The following VEGFA variants were observed in gnomAD, a reference collection of about 807,000 sequenced individuals.
VEGFA encodes vascular endothelial growth factor A, long form.
VEGFA carries 20 observed loss-of-function variants against 49.7 expected under a neutral mutation model. The observed-to-expected ratio is 0.40, with a 90% CI of 0.28 to 0.58. The LOEUF is 0.58. Among genes scored for constraint, VEGFA ranks in the 20% least tolerant of loss-of-function variants. The pLI is 0.40. For synonymous variants in VEGFA, 219 were observed against 223.4 expected (o/e 0.98, Z 0.18); for missense variants, 505 against 553.5 (o/e 0.91, Z 0.88).
In VEGFA at chr6:43,778,895, G is replaced by A. The variant is rs1051764795; in HGVS notation, c.939G>A (p.Lys313=). The A allele has an allele frequency of 6.2e-7, 1 of 1,614,170 alleles. No individual in the cohort carries two copies. The highest frequency in any genetic ancestry group is 8.5e-7 in the Non-Finnish European group (1 of 1,180,046). The stretch of plus-strand genomic sequence containing the variant: ...CTCTCCCTACCCATTGCAGACCAAA[G>A]AAAGATAGAGCAAGACAAGAAAAGT... The change falls in exon 5 of 8, where the codon AAG becomes AAA. Residue 313 remains lysine (K), a synonymous_variant. Coordinates refer to ENST00000672860, the MANE Select transcript of VEGFA (RefSeq NM_003376.6).
chr6:43,774,468 C>T (rs1703081280), intron 2 of VEGFA, 76 bp downstream of exon 2: 2 of 1,543,186 alleles, frequency 1.3e-6, no homozygotes, highest in Non-Finnish European at 1.8e-6. Flanking sequence ...CCTTTTTCTT[C>T]AGAACTGTGG....
intron 1 of VEGFA, 105 bp from the exon 2 acceptor site, chr6:43,774,236 G>C: frequency 8.0e-7 from 1 of 1,244,740 alleles, no homozygotes; most frequent in East Asian, 2.4e-5. Context: ...AGAAGCCAGA[G>C]GCTGTTGGTG....
intron 5 of VEGFA, chr6:43,779,291 T>C: frequency 2.3e-6 from 1 of 435,338 alleles, no homozygotes; most frequent in Non-Finnish European, 4.2e-6. Flanking sequence ...CCAGCTTTTG[T>C]GTGTCAGAGG....
At chr6:43,778,645 G>A in intron 4 of VEGFA, 109 bp downstream of exon 4, 1 of 1,223,956 alleles carries the variant, frequency 8.2e-7, no homozygotes, top group South Asian at 1.3e-5. Context: ...TTCCCGCTAT[G>A]TGACCTTTGG....
intron 5 of VEGFA, chr6:43,779,762 A>G (rs1766769632): frequency 2.2e-6 from 1 of 458,218 alleles, no homozygotes; most frequent in East Asian, 6.9e-5. Context: ...CCTAAGGGGG[A>G]CAGACTTGCC....
intron 4 of VEGFA, 44 bp downstream of exon 4, chr6:43,778,580 G>A (rs367878477): frequency 3.4e-5 from 54 of 1,585,892 alleles, no homozygotes; most frequent in Non-Finnish European, 4.6e-5. Context: ...GTGGCTGCAG[G>A]GTGCCTGATC....
In VEGFA at chr6:43,770,864, A is replaced by G; in HGVS notation, c.158A>G (p.Lys53Arg). 6.5e-7 allele frequency: 1 copy of G among 1,538,666 alleles called. No individual in the cohort carries two copies. The highest frequency in any genetic ancestry group is 1.2e-5 in the South Asian group (1 of 82,470). Residue 53 changes from lysine (K) to arginine (R), a missense_variant, in exon 1 of 8, where the codon AAA (lysine) becomes AGA (arginine). By Grantham distance (26) the Lys-to-Arg change is conservative. This residue lies in a region of VEGFA where 340 missense variants were observed against 321.8 expected (regional missense o/e 1.06). Transcript: ENST00000672860. ...GTCGGGGCTCGCGGCGTCGCACTGA[A>G]ACTTTTCGTCCAACTTCTGGGCTGT...
rs1333424932 is a variant in VEGFA at position 43,771,066 on chromosome 6, G to T, written c.360G>T (p.Thr120=). The change falls in exon 1 of 8, where the codon ACG becomes ACT. Residue 120 remains threonine (T), a synonymous_variant. Coordinates refer to ENST00000672860, the MANE Select transcript of VEGFA (RefSeq NM_003376.6). ...GCGCTCGGAAGCCGGGCTCATGGAC[G>T]GGTGAGGCGGCGGTGTGCGCAGACA... The T allele has an allele frequency of 2.7e-6, 4 of 1,507,810 alleles. No homozygotes were observed. The highest frequency in any genetic ancestry group is 2.1e-5 in the Admixed American group (1 of 47,946). 93.4% of individuals were successfully genotyped at this position (1,507,810 alleles called of 1,614,324 possible).
intron 3 of VEGFA, 114 bp from the exon 4 acceptor site, chr6:43,778,346 C>T: frequency 1.1e-6 from 1 of 879,650 alleles, no homozygotes; most frequent in Non-Finnish European, 1.9e-6. Context: ...CTCCACCACC[C>T]ATCCCTGCTC....
rs537491073 is a variant in VEGFA, at chr6:43,784,870, G to T, written c.*308G>T. On this transcript the variant is annotated 3_prime_UTR_variant, in exon 8 of 8. Transcript: ENST00000672860. ...AAATCACCGAGCCCGGAAGATTAGA[G>T]AGTTTTATTTCTGGGATTCCTGTAG... The T allele has an allele frequency of 4.0e-5, 22 of 550,302 alleles. No homozygotes were observed. In the Admixed American group the frequency reaches 5.5e-4, roughly 14 times the overall value. 34.1% of individuals were successfully genotyped at this position (550,302 alleles called of 1,614,324 possible).
chr6:43,771,400 T>A, intron 1 of VEGFA, 88 bp downstream of exon 1: 1 of 1,336,442 alleles, frequency 7.5e-7, no homozygotes, highest in Non-Finnish European at 1.0e-6. Context: ...GCGTGGGGGC[T>A]CCGTGCCCCA....
intron 1 of VEGFA, 173 bp from the exon 2 acceptor site, chr6:43,774,168 G>A: frequency 1.4e-6 from 1 of 690,748 alleles, no homozygotes; most frequent in Admixed American, 2.1e-5. Flanking sequence ...GGAGTGGTGG[G>A]CATATTCTGT....
Position 43,770,765 on chromosome 6 carries a change from G to A in VEGFA, c.59G>A (p.Arg20Gln), listed in dbSNP as rs775918375. Residue 20 changes from arginine to glutamine, a missense_variant, in exon 1 of 8, where the codon CGG (arginine) becomes CAG (glutamine). Arg to Gln is a conservative substitution (Grantham distance 43, BLOSUM62 1). Around this residue, in one of 2 missense-constraint regions of VEGFA, gnomAD observed 340 missense variants for 321.8 expected, o/e 1.06. Transcript: ENST00000672860. Reference sequence around the variant, plus strand: ...CCCAGCTACCACCTCCTCCCCGGCCGGCGGCGGACAGTGGACGCGGCGGCG... The same window carrying A: ...CCCAGCTACCACCTCCTCCCCGGCCAGCGGCGGACAGTGGACGCGGCGGCG... 6 of 1,485,462 alleles carry A rather than the reference G, an allele frequency of 4.0e-6. No homozygotes were observed. The highest frequency in any genetic ancestry group is 3.6e-6 in the Non-Finnish European group (4 of 1,125,694). The allele number at this position is 1,485,462 out of a possible 1,614,324, so 92.0% of individuals were successfully genotyped here.
At chr6:43,779,897 C>CT in intron 5 of VEGFA, 3 of 330,328 alleles carry the variant, frequency 9.1e-6, no homozygotes, top group Non-Finnish European at 1.9e-5. Context: ...GCCTGCCCCC[C>CT]TTCCTGTTTC....
At chr6:43,774,692 G>A in intron 2 of VEGFA, 1 of 513,980 alleles carries the variant, frequency 1.9e-6, no homozygotes, top group South Asian at 2.1e-5. Context: ...GGGATCCTAG[G>A]TGTTGGGGGA....
intron 1 of VEGFA, 93 bp from the exon 2 acceptor site, chr6:43,774,248 G>T (rs2128009588): frequency 7.4e-7 from 1 of 1,349,684 alleles, no homozygotes; most frequent in East Asian, 2.3e-5. Flanking sequence ...CTGTTGGTGG[G>T]AGGGAAGTGA....
In VEGFA at chr6:43,785,543, C is replaced by T. The variant is rs1769312310; in HGVS notation, c.*981C>T. 4.7e-6 allele frequency: 1 copy of T among 212,232 alleles called. No individual in the cohort carries two copies. Among genetic ancestry groups the T allele is most frequent in the South Asian group, 1.9e-4 (1 of 5,376 alleles). 13.1% of individuals were successfully genotyped at this position (212,232 alleles called of 1,614,324 possible). A position where few individuals can be genotyped will look rare whatever the true frequency, so the allele number is the denominator to read the frequency against. On this transcript the variant is annotated 3_prime_UTR_variant, in exon 8 of 8. Transcript: ENST00000672860. ...GAAGAAGCAGCCCATGACAGCTCCC[C>T]TTCCTGGGACTCGCCCTCATCCTCT...
At position 43,785,788 on chromosome 6, in the gene VEGFA, G is replaced by A. The variant is rs553079671; in HGVS notation, c.*1226G>A. 7 of 189,702 alleles carry A rather than the reference G, an allele frequency of 3.7e-5. No individual in the cohort carries two copies. The South Asian group carries it at 5.8e-4, about 16-fold the overall frequency. The allele number at this position is 189,702 out of a possible 1,614,324, so 11.8% of individuals were successfully genotyped here. ...AGAAAAGAGAAAGTGTTTTATATAC[G>A]GTACTTATTTAATATCCCTTTTTAA... On this transcript the variant is annotated 3_prime_UTR_variant, in exon 8 of 8. Transcript: ENST00000672860.
rs962048538 is a variant in VEGFA, at chr6:43,770,661, G to A, written c.-46G>A. The A allele has an allele frequency of 3.9e-6, 6 of 1,519,244 alleles. No homozygotes were observed. The African/African-American group carries it at 4.3e-5, about 11-fold the overall frequency. 94.1% of individuals were successfully genotyped at this position (1,519,244 alleles called of 1,614,324 possible). A position where few individuals can be genotyped will look rare whatever the true frequency, so the allele number is the denominator to read the frequency against. On this transcript the variant is annotated 5_prime_UTR_variant, in exon 1 of 8. Transcript: ENST00000672860. ...TGCTTTTGGGGGTGACCGCCGGAGC[G>A]CGGCGTGAGCCCTCCCCCTTGGGAT...
Sources: gnomAD v4.1 joint callset for allele counts on GRCh38, gnomAD v4.1.1 for gene constraint, gnomAD v4.1.1 regional missense constraint, MANE v1.5 for transcripts, NCBI Gene and HGNC (gene_info 2026-07-23, HGNC 2026-07-21) for gene names.